The following FRMPD4 variants were observed in gnomAD, a reference collection of about 807,000 sequenced individuals.
The protein encoded by FRMPD4 is FERM and PDZ domain-containing protein 4.
Under a neutral mutation model 94.1 loss-of-function variants are expected in FRMPD4, and 22 were observed. The observed-to-expected ratio is 0.23, with a 90% CI of 0.17 to 0.33. The LOEUF (loss-of-function observed/expected upper bound fraction) is 0.33, where lower values mean the gene tolerates loss of function less well. Ranked by LOEUF, FRMPD4 falls within the 10% of genes least tolerant of loss-of-function variation. FRMPD4 has a pLI of 1.00. For synonymous variants in FRMPD4, 631 were observed against 548.6 expected (o/e 1.15, Z -2.10); for missense variants, 1,111 against 1,339.9 (o/e 0.83, Z 2.67).
intron 1 of FRMPD4, among the ~76,000 whole-genome samples, chrX:12,255,382 C>T (rs915729086): frequency 1.8e-5 from 2 of 111,336 alleles, no homozygotes; most frequent in African/African-American, 6.5e-5. Context: ...AATCCTGAAG[C>T]GTATAGGGTG....
intron 1 of FRMPD4, among the ~76,000 whole-genome samples, chrX:12,451,511 A>G (rs1404802570): frequency 8.9e-6 from 1 of 111,814 alleles, no homozygotes; most frequent in Non-Finnish European, 1.9e-5. Flanking sequence ...TACATATCAT[A>G]TTTTGACTGA....
chrX:12,461,772 C>T (rs1466613214), intron 1 of FRMPD4, among the ~76,000 whole-genome samples: 4 of 111,768 alleles, frequency 3.6e-5, no homozygotes, highest in Non-Finnish European at 5.6e-5. Flanking sequence ...CCCTTAACCA[C>T]TATTCATACT....
intron 1 of FRMPD4, among the ~76,000 whole-genome samples, chrX:12,451,904 T>C: frequency 9.0e-6 from 1 of 111,232 alleles, no homozygotes; most frequent in African/African-American, 3.3e-5. Context: ...TGAACTTTTA[T>C]CTCTAGCAGC....
At chrX:11,992,077 T>G (rs1259588417) in intron 3 of FRMPD4, among the ~76,000 whole-genome samples, 1 of 111,386 alleles carries the variant, frequency 9.0e-6, no homozygotes, top group Non-Finnish European at 1.9e-5. Context: ...TCTAATTTTA[T>G]TCAGTGTGTT....
intron 1 of FRMPD4, among the ~76,000 whole-genome samples, chrX:12,401,268 C>G (rs1169715659): frequency 9.1e-6 from 1 of 110,374 alleles, no homozygotes; most frequent in Non-Finnish European, 1.9e-5. Context: ...CTCTCCCTCT[C>G]TCTCTTCCTT....
chrX:12,288,357 G>A (rs1003759310), intron 1 of FRMPD4, among the ~76,000 whole-genome samples: 1 of 111,566 alleles, frequency 9.0e-6, no homozygotes, highest in Admixed American at 9.5e-5. Flanking sequence ...GGCTTAAAAT[G>A]GGTTTGTTAC....
At chrX:12,522,973 C>A (rs1043446779) in intron 2 of FRMPD4, among the ~76,000 whole-genome samples, 4 of 111,918 alleles carry the variant, frequency 3.6e-5, no homozygotes, top group African/African-American at 1.3e-4. Context: ...CATTGTGAGG[C>A]CCACTCAAGG....
intron 4 of FRMPD4, among the ~76,000 whole-genome samples, chrX:12,633,218 T>C (rs1462096906): frequency 8.9e-6 from 1 of 112,141 alleles, no homozygotes; most frequent in Admixed American, 9.5e-5. Flanking sequence ...TCTTAAACCA[T>C]GCTGCCACTC....
intron 3 of FRMPD4, among the ~76,000 whole-genome samples, chrX:11,969,380 T>C (rs868824403): frequency 1.5e-4 from 17 of 112,397 alleles, no homozygotes; most frequent in African/African-American, 5.5e-4. Context: ...TCCGAGAACA[T>C]TGCAGATGGG....
At chrX:12,628,894 C>A (rs2059371273) in intron 4 of FRMPD4, among the ~76,000 whole-genome samples, 1 of 112,700 alleles carries the variant, frequency 8.9e-6, no homozygotes, top group African/African-American at 3.2e-5. Flanking sequence ...AATGGCCTCA[C>A]AGTTCCACAT....
chrX:12,497,085 AG>A (rs2057858558), intron 1 of FRMPD4, among the ~76,000 whole-genome samples: 1 of 111,448 alleles, frequency 9.0e-6, no homozygotes, highest in South Asian at 3.8e-4. Flanking sequence ...GAAAAGGAAA[AG>A]GAAAGGAAAG....
At chrX:12,328,595 T>C (rs963343427) in intron 1 of FRMPD4, among the ~76,000 whole-genome samples, 2 of 112,433 alleles carry the variant, frequency 1.8e-5, no homozygotes, top group Middle Eastern at 4.6e-3. Context: ...ACAGTGAAAA[T>C]TGGAAAAAGG....
intron 1 of FRMPD4, among the ~76,000 whole-genome samples, chrX:12,335,312 G>A (rs2055499799): frequency 9.1e-6 from 1 of 110,025 alleles, no homozygotes; most frequent in African/African-American, 3.3e-5. Flanking sequence ...CTTTTTTGTT[G>A]AGACGAGGTC....
chrX:12,408,074 A>G (rs148129931), intron 1 of FRMPD4, among the ~76,000 whole-genome samples: 31 of 108,635 alleles, frequency 2.9e-4, no homozygotes, highest in Middle Eastern at 9.3e-3. Context: ...CACAAACGGA[A>G]GCCATGTCTG....
At chrX:12,036,309 C>G (rs1269887685) in intron 3 of FRMPD4, among the ~76,000 whole-genome samples, 1 of 111,961 alleles carries the variant, frequency 8.9e-6, no homozygotes, top group African/African-American at 3.2e-5. Flanking sequence ...TACAACAACA[C>G]TGGTGACACT....
intron 1 of FRMPD4, among the ~76,000 whole-genome samples, chrX:12,457,901 C>T (rs1327565536): frequency 8.9e-6 from 1 of 111,833 alleles, no homozygotes; most frequent in Non-Finnish European, 1.9e-5. Flanking sequence ...GAAACTGCTA[C>T]CTTTAGAAGG....
intron 2 of FRMPD4, among the ~76,000 whole-genome samples, chrX:12,536,066 G>GATATAT (rs10539431): frequency 2.1e-5 from 2 of 95,192 alleles, no homozygotes; most frequent in Admixed American, 1.2e-4. Flanking sequence ...AATATATAAG[G>GATATAT]ATATATATAT....
intron 4 of FRMPD4, among the ~76,000 whole-genome samples, chrX:12,669,620 A>G (rs1209246764): frequency 4.5e-5 from 5 of 112,155 alleles, no homozygotes; most frequent in Non-Finnish European, 9.4e-5. Context: ...CTTTCTTTGC[A>G]TATATGATTA....
At chrX:12,518,520 T>C (rs2058127217) in intron 2 of FRMPD4, among the ~76,000 whole-genome samples, 1 of 111,895 alleles carries the variant, frequency 8.9e-6, no homozygotes, top group South Asian at 3.7e-4. Context: ...CAACCTTTCA[T>C]GATAAAAGAA....
Sources: allele counts gnomAD v4.1 joint callset (sites outside exome capture counted in the v4.1 genomes callset), GRCh38; gene constraint gnomAD v4.1.1; transcripts MANE v1.5; gene names NCBI Gene and HGNC (gene_info 2026-07-23, HGNC 2026-07-21).